CNOT1: variants seen among roughly 807,000 people sequenced by gnomAD.
CNOT1 encodes the protein CCR4-associated factor 1.
Under a neutral mutation model 273.8 loss-of-function variants are expected in CNOT1, and 15 were observed. The observed-to-expected ratio is 0.05, with a 90% CI of 0.04 to 0.08. CNOT1 has a LOEUF of 0.08. Among genes scored for constraint, CNOT1 ranks in the 10% least tolerant of loss-of-function variants. CNOT1 has a pLI of 1.00. For missense variants in CNOT1, 1,644 were observed against 2,912.2 expected, an observed-to-expected ratio of 0.56 and a Z score of 10.02; for synonymous variants, 1,022 against 1,005.5, an observed-to-expected ratio of 1.02 and a Z score of -0.31.
intron 46 of CNOT1, chr16:58,523,747 G>C (rs2151890871): frequency 3.0e-6 from 1 of 327,912 alleles, no homozygotes; most frequent in East Asian, 5.1e-5. Flanking sequence ...GCTAATGTAA[G>C]AAACATGAAC....
chr16:58,584,165 C>T lies in CNOT1; in HGVS notation c.807-983G>A, dbSNP rs577641508. Among the ~76,000 whole-genome samples, 29 of 142,394 alleles carry T rather than the reference C, an allele frequency of 2.0e-4. No homozygotes were observed. The South Asian group carries it at 6.3e-3, about 31-fold the overall frequency. 93.4% of individuals were successfully genotyped at this position (142,394 alleles called of 152,430 possible). On this transcript the variant is annotated intron_variant, in intron 8 of 48. Coordinates refer to ENST00000317147, the MANE Select transcript of CNOT1 (RefSeq NM_016284.5). ...CCTGGGCAACAGAGCAACACTCCGT[C>T]TCAAAAAAAAAAAAAAAATTCAGTG...
At chr16:58,543,576 T>G in intron 31 of CNOT1, 31 bp downstream of exon 31, 2 of 1,614,138 alleles carry the variant, frequency 1.2e-6, no homozygotes. Flanking sequence ...TAATACGTTT[T>G]GTACCTATAC....
At chr16:58,574,060 G>A (rs1412876349) in intron 16 of CNOT1, among the ~76,000 whole-genome samples, 2 of 151,732 alleles carry the variant, frequency 1.3e-5, no homozygotes, top group South Asian at 2.1e-4. Flanking sequence ...AGATCAGCTC[G>A]GGCAACATAC....
Position 58,556,856 on chromosome 16 carries a change from T to G in CNOT1, c.2470A>C (p.Met824Leu), listed in dbSNP as rs1157026509. The G allele has an allele frequency of 6.2e-7, 1 of 1,613,212 alleles. No individual in the cohort carries two copies. Among genetic ancestry groups the G allele is most frequent in the Non-Finnish European group, 8.5e-7 (1 of 1,179,764 alleles). ...LNQPTFQQSK[M>L]KPSDLSQVWP... ...CAACACTACCACTTACAAGGTTTCATCTTACTCTGCTGGAATGTAGGCTGA... is the reference window on the plus strand; with the variant it reads ...CAACACTACCACTTACAAGGTTTCAGCTTACTCTGCTGGAATGTAGGCTGA... The change falls in exon 19 of 49, where the codon ATG becomes CTG. Residue 824 changes from methionine to leucine, a missense_variant. Met to Leu is a conservative substitution (Grantham distance 15). This residue lies in a region of CNOT1 where 706 missense variants were observed against 1,021.2 expected (regional missense o/e 0.69). Transcript: ENST00000317147.
chr16:58,594,788 C>T (rs2042189944), intron 2 of CNOT1, among the ~76,000 whole-genome samples: 1 of 144,318 alleles, frequency 6.9e-6, no homozygotes, highest in Non-Finnish European at 1.5e-5. Context: ...GGAAACAGAC[C>T]AATACTGTCT....
intron 2 of CNOT1, among the ~76,000 whole-genome samples, chr16:58,596,220 T>C (rs1373561200): frequency 6.6e-6 from 1 of 152,128 alleles, no homozygotes; most frequent in Non-Finnish European, 1.5e-5. Context: ...CCCTGCACAC[T>C]ACAGAGCATG....
At chr16:58,552,998 C>T (rs1431991730) in intron 22 of CNOT1, among the ~76,000 whole-genome samples, 1 of 152,100 alleles carries the variant, frequency 6.6e-6, no homozygotes, top group Non-Finnish European at 1.5e-5. Context: ...CTCAGGCGGG[C>T]GCGGTGGCTC....
chr16:58,587,177 A>T (rs1251783242), intron 6 of CNOT1, 24 bp downstream of exon 6: 1 of 1,609,428 alleles, frequency 6.2e-7, no homozygotes, highest in Admixed American at 1.7e-5. Context: ...TCACTTCGTG[A>T]TATTTTTGGA....
At chr16:58,533,032 C>G (rs2151905786) in intron 40 of CNOT1, 1 of 153,124 alleles carries the variant, frequency 6.5e-6, no homozygotes, top group East Asian at 1.9e-4. Context: ...GTCTAGCCAC[C>G]CACTCACAGT....
intron 13 of CNOT1, 27 bp downstream of exon 13, chr16:58,578,672 A>C (rs1011578194): frequency 1.4e-5 from 22 of 1,606,052 alleles, no homozygotes; most frequent in Non-Finnish European, 1.8e-5. Flanking sequence ...CAGATGAAAA[A>C]ATGGTAAGCA....
At position 58,534,143 on chromosome 16, in the gene CNOT1, A is replaced by C; in HGVS notation, c.5895+4T>G. On this transcript the variant is annotated splice_donor_region_variant and intron_variant, in intron 40 of 48. Transcript: ENST00000317147. ...CAAGACTAAGGCAAGAAAGGATTTCAGACCTTGTTCAGCAGATTAATCTTT... is the reference window on the plus strand; with the variant it reads ...CAAGACTAAGGCAAGAAAGGATTTCCGACCTTGTTCAGCAGATTAATCTTT... 1 of 1,613,294 alleles carries C rather than the reference A, an allele frequency of 6.2e-7. No homozygotes were observed. Among genetic ancestry groups the C allele is most frequent in the Non-Finnish European group, 8.5e-7 (1 of 1,179,234 alleles).
At chr16:58,554,813 G>A (rs2040574662) in intron 21 of CNOT1, among the ~76,000 whole-genome samples, 1 of 151,716 alleles carries the variant, frequency 6.6e-6, no homozygotes, top group African/African-American at 2.4e-5. Flanking sequence ...GCACGCGTCT[G>A]TAATCCCAGC....
At chr16:58,557,582 A>T (rs894237824) in intron 18 of CNOT1, among the ~76,000 whole-genome samples, 3 of 152,202 alleles carry the variant, frequency 2.0e-5, no homozygotes. Context: ...GTGTCAACAT[A>T]AAAGGTACAA....
intron 2 of CNOT1, among the ~76,000 whole-genome samples, chr16:58,590,844 T>A (rs868394948): frequency 2.0e-5 from 3 of 152,184 alleles, no homozygotes; most frequent in Non-Finnish European, 1.5e-5. Context: ...AAAAATACAA[T>A]AATCTGGTTC....
chr16:58,607,999 C>T (rs2042749053), intron 1 of CNOT1, among the ~76,000 whole-genome samples: 1 of 151,762 alleles, frequency 6.6e-6, no homozygotes, highest in African/African-American at 2.4e-5. Context: ...TAGTAAAACC[C>T]TGTCTCTACT....
intron 42 of CNOT1, among the ~76,000 whole-genome samples, chr16:58,531,286 C>T (rs1480078257): frequency 6.6e-6 from 1 of 152,194 alleles, no homozygotes; most frequent in Non-Finnish European, 1.5e-5. Context: ...CATTACATAG[C>T]AGTCACATTT....
chr16:58,616,896 A>C (rs933677773), intron 1 of CNOT1, among the ~76,000 whole-genome samples: 2 of 152,194 alleles, frequency 1.3e-5, no homozygotes, highest in Admixed American at 6.6e-5. Flanking sequence ...ATTTATACCA[A>C]GAATAAGTAA....
intron 2 of CNOT1, among the ~76,000 whole-genome samples, chr16:58,594,179 G>A (rs1342538552): frequency 6.6e-6 from 1 of 152,124 alleles, no homozygotes; most frequent in African/African-American, 2.4e-5. Context: ...GGGAGGCGGA[G>A]GTTGCAGTGA....
intron 35 of CNOT1, among the ~76,000 whole-genome samples, chr16:58,539,404 G>A (rs1449400570): frequency 1.3e-5 from 2 of 151,284 alleles, no homozygotes; most frequent in Non-Finnish European, 1.5e-5. Flanking sequence ...GATGTGGGAG[G>A]TTCACTTAAG....
Sources: allele counts gnomAD v4.1 joint callset (sites outside exome capture counted in the v4.1 genomes callset), GRCh38; gene constraint gnomAD v4.1.1; regional missense constraint gnomAD v4.1.1; transcripts MANE v1.5; gene names NCBI Gene and HGNC (gene_info 2026-07-23, HGNC 2026-07-21).